The following CDH4 variants were observed in gnomAD, a reference collection of about 807,000 sequenced individuals.
CDH4 encodes the protein cadherin-4.
CDH4 carries 33 observed loss-of-function variants against 86.0 expected under a neutral mutation model. The observed-to-expected ratio is 0.38, with a 90% confidence interval of 0.29 to 0.51. CDH4 has a LOEUF of 0.51. CDH4 is among the 20% of genes least tolerant of loss of function. The pLI, the probability that CDH4 is intolerant of heterozygous loss-of-function variation, is 0.86. For missense variants in CDH4, 1,114 were observed against 1,307.4 expected, an observed-to-expected ratio of 0.85 and a Z score of 2.28; for synonymous variants, 555 against 549.4, an observed-to-expected ratio of 1.01 and a Z score of -0.14.
intron 2 of CDH4, among the ~76,000 whole-genome samples, chr20:61,557,476 C>T (rs150039329): frequency 2.0e-5 from 3 of 152,328 alleles, no homozygotes; most frequent in East Asian, 1.9e-4. Flanking sequence ...TGGTTGCCGT[C>T]GAGTGGGAAG....
chr20:61,415,117 G>T (rs1486783026), intron 2 of CDH4, among the ~76,000 whole-genome samples: 1 of 152,174 alleles, frequency 6.6e-6, no homozygotes, highest in African/African-American at 2.4e-5. Context: ...CTTTTCAGTG[G>T]TGGTTCTCCA....
At chr20:61,881,396 C>G (rs998824288) in intron 7 of CDH4, among the ~76,000 whole-genome samples, 4 of 152,216 alleles carry the variant, frequency 2.6e-5, no homozygotes, top group Non-Finnish European at 5.9e-5. Context: ...GAGAGAGAAG[C>G]CGTGGCTGCG....
intron 2 of CDH4, among the ~76,000 whole-genome samples, chr20:61,640,431 G>A (rs58483958): frequency 0.046 from 7,018 of 152,280 alleles, 215 homozygotes; most frequent in Middle Eastern, 0.082. Flanking sequence ...CACATTTTCC[G>A]AGTGTAGACC....
intron 2 of CDH4, among the ~76,000 whole-genome samples, chr20:61,423,552 G>A (rs895289145): frequency 1.3e-5 from 2 of 152,100 alleles, no homozygotes; most frequent in African/African-American, 2.4e-5. Flanking sequence ...AAACGCACTC[G>A]GATGAACTTA....
At chr20:61,267,742 C>T (rs2084164432) in intron 2 of CDH4, among the ~76,000 whole-genome samples, 2 of 152,166 alleles carry the variant, frequency 1.3e-5, no homozygotes, top group Admixed American at 1.3e-4. Context: ...AGGAGAGGCA[C>T]ACTCCCTCTG....
At chr20:61,528,529 G>A (rs958928478) in intron 2 of CDH4, among the ~76,000 whole-genome samples, 3 of 151,682 alleles carry the variant, frequency 2.0e-5, no homozygotes, top group African/African-American at 7.3e-5. Flanking sequence ...CAGCACTTTG[G>A]GAAGTCAAGA....
intron 2 of CDH4, among the ~76,000 whole-genome samples, chr20:61,727,075 A>G (rs1172075856): frequency 6.6e-6 from 1 of 152,034 alleles, no homozygotes; most frequent in African/African-American, 2.4e-5. Flanking sequence ...CATCTTCACC[A>G]TTGCTGCCAT....
At chr20:61,287,642 TC>T (rs532364806) in intron 2 of CDH4, among the ~76,000 whole-genome samples, 222 of 152,262 alleles carry the variant, frequency 1.5e-3, no homozygotes, top group Admixed American at 2.2e-3. Flanking sequence ...CGGGCATGCA[TC>T]CCAGGCTGCC....
intron 2 of CDH4, among the ~76,000 whole-genome samples, chr20:61,333,436 A>C (rs2084596633): frequency 6.6e-6 from 1 of 152,212 alleles, no homozygotes; most frequent in African/African-American, 2.4e-5. Context: ...AGACCCCAAC[A>C]GGCATTCTTT....
chr20:61,534,909 C>T lies in CDH4; in HGVS notation c.170-208654C>T, dbSNP rs539992747. 4.6e-5 allele frequency among the ~76,000 whole-genome samples: 7 copies of T among 151,216 alleles called. No homozygotes were observed. In the East Asian group the frequency reaches 1.2e-3, roughly 26 times the overall value. ...AACCCGATGGCCTCCCTTGCTGGGA[C>T]GCTCCTTTGGAGCAGCCTCTGGTGG... is the stretch of plus-strand genomic sequence containing the variant. On this transcript the variant is annotated intron_variant, in intron 2 of 15. Transcript: ENST00000614565.
chr20:61,734,061 G>T (rs1003744209), intron 2 of CDH4, among the ~76,000 whole-genome samples: 2 of 152,194 alleles, frequency 1.3e-5, no homozygotes, highest in African/African-American at 4.8e-5. Context: ...ACAGATGGGG[G>T]TAAAGGGTTA....
chr20:61,601,983 C>T (rs899906587), intron 2 of CDH4, among the ~76,000 whole-genome samples: 1 of 152,228 alleles, frequency 6.6e-6, no homozygotes, highest in African/African-American at 2.4e-5. Context: ...CGCATGCCCA[C>T]AGTGCCGCCC....
chr20:61,898,186 A>C (rs987360321), intron 8 of CDH4, among the ~76,000 whole-genome samples: 10 of 152,226 alleles, frequency 6.6e-5, no homozygotes, highest in African/African-American at 2.4e-4. Context: ...GGCCAGCAGG[A>C]TGGCGAAGGC....
chr20:61,300,821 G>C (rs566529167), intron 2 of CDH4, among the ~76,000 whole-genome samples: 1 of 152,316 alleles, frequency 6.6e-6, no homozygotes, highest in South Asian at 2.1e-4. Flanking sequence ...CTTCCTGGCA[G>C]AGCCACCAGG....
intron 2 of CDH4, among the ~76,000 whole-genome samples, chr20:61,736,187 C>A (rs1018180815): frequency 9.2e-5 from 14 of 152,148 alleles, no homozygotes; most frequent in Non-Finnish European, 1.6e-4. Context: ...TCTCGCTGGC[C>A]GAGGGTCTTC....
intron 4 of CDH4, among the ~76,000 whole-genome samples, chr20:61,812,260 A>G (rs1292224657): frequency 6.6e-6 from 1 of 151,994 alleles, no homozygotes; most frequent in African/African-American, 2.4e-5. Flanking sequence ...GCAGCCAGAG[A>G]CGGTCTCAGC....
chr20:61,310,695 CTG>C (rs200352803), intron 2 of CDH4, among the ~76,000 whole-genome samples: 18,643 of 152,142 alleles, frequency 0.12, 1,219 homozygotes, highest in East Asian at 0.25. Flanking sequence ...CGTTTCCTCA[CTG>C]TTCTGGGGGC....
chr20:61,285,526 G>A (rs897497009), intron 2 of CDH4, among the ~76,000 whole-genome samples: 4 of 152,334 alleles, frequency 2.6e-5, no homozygotes, highest in East Asian at 3.9e-4. Flanking sequence ...TGGCCTGTGC[G>A]GCCCCTCCGA....
intron 2 of CDH4, among the ~76,000 whole-genome samples, chr20:61,257,048 GGAAGTGTGGT>G (rs2084102516): frequency 6.6e-6 from 1 of 152,214 alleles, no homozygotes; most frequent in African/African-American, 2.4e-5. Flanking sequence ...AGAGGAAACA[GGAAGTGTGGT>G]GTTTCTGTTA....
Sources: gnomAD v4.1 joint callset for allele counts (sites outside exome capture counted in the v4.1 genomes callset) on GRCh38, gnomAD v4.1.1 for gene constraint, MANE v1.5 for transcripts, NCBI Gene and HGNC (gene_info 2026-07-23, HGNC 2026-07-21) for gene names.